MMEL1: variants seen among roughly 807,000 people sequenced by gnomAD.
The protein encoded by MMEL1 is membrane metalloendopeptidase like 1.
Under a neutral mutation model 117.1 loss-of-function variants are expected in MMEL1, and 98 were observed. The observed-to-expected ratio is 0.84, with a 90% CI of 0.71 to 0.99. The LOEUF is 0.99. MMEL1 is among the 50% of genes least tolerant of loss of function. MMEL1 has a pLI of 0.00. For synonymous variants in MMEL1, 390 were observed against 415.1 expected (o/e 0.94, Z 0.74); for missense variants, 1,014 against 1,049.1 (o/e 0.97, Z 0.46).
chr1:2,626,476 A>G (rs1638287906), intron 2 of MMEL1, among the ~76,000 whole-genome samples: 1 of 152,252 alleles, frequency 6.6e-6, no homozygotes, highest in African/African-American at 2.4e-5. Context: ...TCACCTGTTC[A>G]ACTTTGCTGT....
chr1:2,629,405 C>G lies in MMEL1; in HGVS notation c.80G>C (p.Gly27Ala), dbSNP rs1451564955. The change falls in exon 2 of 24, where the codon GGG becomes GCG. Residue 27 changes from glycine to alanine, a missense_variant. Gly to Ala is a moderately conservative substitution (Grantham distance 60). Coordinates refer to ENST00000378412, the MANE Select transcript of MMEL1 (RefSeq NM_033467.4). ...AGQKRPGFLE[G>A]GLLLLLLLVT... ...CAGCAGCAGCAGCAGCAGCAGCCCC[C>G]CCTCCAGGAACCCCGGGCGCTTCTG... The G allele has an allele frequency of 2.6e-6, 4 of 1,546,524 alleles. No homozygotes were observed. The highest frequency in any genetic ancestry group is 1.4e-5 in the African/African-American group (1 of 72,920).
At chr1:2,629,568 C>G (rs998730501) in intron 1 of MMEL1, 47 bp from the exon 2 acceptor site, 7 of 1,357,006 alleles carry the variant, frequency 5.2e-6, no homozygotes, top group African/African-American at 4.6e-5. Flanking sequence ...TGGAGCTCCC[C>G]GAGCCCGGCC....
chr1:2,593,749 C>A (rs1359531849), intron 19 of MMEL1, 65 bp downstream of exon 19: 11 of 1,508,146 alleles, frequency 7.3e-6, no homozygotes, highest in Non-Finnish European at 9.8e-6. Context: ...CGCCCCCAGG[C>A]CCCTTCCTGG....
In MMEL1 at chr1:2,595,865, G is replaced by A. The variant is rs1469802586; in HGVS notation, c.1500+144C>T. The A allele has an allele frequency of 1.7e-5, 11 of 639,984 alleles. No individual in the cohort carries two copies. Among genetic ancestry groups the A allele is most frequent in the Admixed American group, 1.1e-4 (4 of 36,390 alleles). The allele number at this position is 639,984 out of a possible 1,614,324, so 39.6% of individuals were successfully genotyped here. On this transcript the variant is annotated intron_variant, in intron 15 of 23. Coordinates refer to ENST00000378412, the MANE Select transcript of MMEL1 (RefSeq NM_033467.4). The surrounding 1 kb of genome is among the most constrained non-coding windows in gnomAD (Gnocchi z 4.8). ...CCGTGGGGTCCTGTCTGCGCCTCCCGGGGCTGCCTTCTCCCCGTGGGGTCC... is the reference window on the plus strand; with the variant it reads ...CCGTGGGGTCCTGTCTGCGCCTCCCAGGGCTGCCTTCTCCCCGTGGGGTCC...
intron 19 of MMEL1, 132 bp downstream of exon 19, chr1:2,593,682 C>A: frequency 1.5e-6 from 2 of 1,293,924 alleles, no homozygotes; most frequent in Middle Eastern, 2.8e-4. Context: ...GCCCCCACAG[C>A]TCCCTGAGGA....
chr1:2,606,225 CT>C (rs1415132709), intron 8 of MMEL1, 22 bp downstream of exon 8: 2 of 1,598,238 alleles, frequency 1.3e-6, no homozygotes, highest in African/African-American at 1.3e-5. Context: ...CTGCCTACCC[CT>C]GCCCACCGGC....
chr1:2,622,889 A>G (rs1410962325), intron 2 of MMEL1, among the ~76,000 whole-genome samples: 1 of 147,730 alleles, frequency 6.8e-6, no homozygotes, highest in Non-Finnish European at 1.5e-5. Flanking sequence ...GTCTCAAAAA[A>G]AAAAAAAAAA....
chr1:2,617,128 C>A (rs1465898421), intron 2 of MMEL1, among the ~76,000 whole-genome samples: 2 of 152,140 alleles, frequency 1.3e-5, no homozygotes, highest in Admixed American at 1.3e-4. Flanking sequence ...ACTAAAAATT[C>A]AAAAATTAGT....
In MMEL1 at chr1:2,592,818, G is replaced by T. The variant is rs1321402373; in HGVS notation, c.2001+15C>A. 26 of 1,613,250 alleles carry T rather than the reference G, an allele frequency of 1.6e-5. No individual in the cohort carries two copies. Among genetic ancestry groups the T allele is most frequent in the Non-Finnish European group, 1.8e-5 (21 of 1,179,736 alleles). On this transcript the variant is annotated intron_variant, in intron 20 of 23. Transcript: ENST00000378412. ...CCGGTACCCCCGCAGCCTGGGTGCT[G>T]GTGGCAGCGCTCACGTTCTGTTCGT... is the stretch of plus-strand genomic sequence containing the variant.
intron 2 of MMEL1, among the ~76,000 whole-genome samples, chr1:2,614,828 T>A (rs953704905): frequency 6.6e-6 from 1 of 151,226 alleles, no homozygotes; most frequent in African/African-American, 2.4e-5. Flanking sequence ...AATGGTTGAT[T>A]ATACAACTGG....
At chr1:2,629,199 C>A in intron 2 of MMEL1, 132 bp downstream of exon 2, 1 of 996,312 alleles carries the variant, frequency 1.0e-6, no homozygotes, top group Non-Finnish European at 1.4e-6. Flanking sequence ...CCCTGGGTGC[C>A]CAGTGCAGAC....
intron 11 of MMEL1, among the ~76,000 whole-genome samples, chr1:2,602,725 C>T (rs1485351321): frequency 1.3e-5 from 2 of 152,222 alleles, no homozygotes; most frequent in Non-Finnish European, 2.9e-5. Context: ...CCTACTCCAT[C>T]TCTCTCTAGC....
rs576998859 is a variant in MMEL1, at chr1:2,594,879, C to T, written c.1599G>A (p.Glu533=). 3 of 1,613,882 alleles carry T rather than the reference C, an allele frequency of 1.9e-6. No individual in the cohort carries two copies. The highest frequency in any genetic ancestry group is 2.2e-5 in the East Asian group (1 of 44,882). Residue 533 remains glutamate, a synonymous_variant, in exon 17 of 24, where the codon GAG becomes GAA. Coordinates refer to ENST00000378412, the MANE Select transcript of MMEL1 (RefSeq NM_033467.4). The stretch of plus-strand genomic sequence containing the variant: ...GCAGACTGTTCTCAAAGTACAGGTC[C>T]TCTGAGAAGTTCAGCTACGGGAGAG... The part of the protein sequence containing the change: ...DEEYSNLNFS[E]DLYFENSLQN...
At chr1:2,600,371 A>G (rs1644911652) in intron 11 of MMEL1, among the ~76,000 whole-genome samples, 1 of 152,152 alleles carries the variant, frequency 6.6e-6, no homozygotes, top group Non-Finnish European at 1.5e-5. Context: ...GTAAAAGCAA[A>G]CATGAAATAA....
chr1:2,593,074 A>G (rs897986771), intron 19 of MMEL1, 108 bp from the exon 20 acceptor site: 25 of 1,399,658 alleles, frequency 1.8e-5, no homozygotes, highest in Non-Finnish European at 2.3e-5. Context: ...AGCCAGCCCC[A>G]GTACGGAGAG....
intron 2 of MMEL1, among the ~76,000 whole-genome samples, chr1:2,619,494 C>T (rs1247653300): frequency 1.3e-5 from 2 of 152,068 alleles, no homozygotes; most frequent in East Asian, 3.9e-4. Context: ...CCCGTCTCTA[C>T]TAAAATTACA....
In MMEL1 at chr1:2,596,234, C is replaced by T. The variant is rs1013139953; in HGVS notation, c.1402-127G>A. The T allele has an allele frequency of 2.0e-5, 18 of 902,336 alleles. No individual in the cohort carries two copies. The Admixed American group carries it at 3.7e-4, about 19-fold the overall frequency. The allele number at this position is 902,336 out of a possible 1,614,324, so 55.9% of individuals were successfully genotyped here. On this transcript the variant is annotated intron_variant, in intron 14 of 23. Transcript: ENST00000378412. Reference sequence around the variant, plus strand: ...GGCCCAGGGCTGCCCAGCTGTGGGCCTCTCAGGTGAGGTGTGGGGCCGGTG... The same window carrying T: ...GGCCCAGGGCTGCCCAGCTGTGGGCTTCTCAGGTGAGGTGTGGGGCCGGTG...
rs1191353540 is a variant in MMEL1, at chr1:2,609,674, GA to G, written c.449del (p.Leu150ProfsTer27). ...CCCCCGGCCGTGCTCTGCCACCTTT[GA>G]GGATGACCTCCAGCTCGTCGCGGAG... ...DVLRDELEVILKAVLENSTAK... is the reference protein window; with the variant it reads ...DVLRDELEVIXKAVLENSTAK... On this transcript the variant is annotated frameshift_variant, in exon 5 of 24. Coordinates refer to ENST00000378412, the MANE Select transcript of MMEL1 (RefSeq NM_033467.4). LOFTEE classifies it high-confidence loss of function. The G allele has an allele frequency of 6.2e-7, 1 of 1,608,272 alleles. No homozygotes were observed. Among genetic ancestry groups the G allele is most frequent in the African/African-American group, 1.3e-5 (1 of 74,874 alleles).
At chr1:2,611,150 G>T in intron 4 of MMEL1, 131 bp downstream of exon 4, 2 of 899,072 alleles carry the variant, frequency 2.2e-6, no homozygotes, top group Non-Finnish European at 3.3e-6. Context: ...GTCCGAGTCC[G>T]GCCCACCCGG....
Sources: allele counts gnomAD v4.1 joint callset (sites outside exome capture counted in the v4.1 genomes callset), GRCh38; gene constraint gnomAD v4.1.1; non-coding constraint Gnocchi (gnomAD v3.1); transcripts MANE v1.5; gene names NCBI Gene and HGNC (gene_info 2026-07-23, HGNC 2026-07-21).